Variants in PIPOX observed in about 807,000 individuals in gnomAD.
PIPOX encodes peroxisomal sarcosine oxidase.
PIPOX carries 45 observed loss-of-function variants against 47.9 expected under a neutral mutation model. That is an observed-to-expected ratio of 0.94 (90% CI 0.74 to 1.20). The LOEUF (loss-of-function observed/expected upper bound fraction) is 1.20. Ranked by LOEUF, PIPOX falls within the 50% of genes most tolerant of loss-of-function variation. PIPOX has a pLI of 0.00. For synonymous variants in PIPOX, 165 were observed against 191.3 expected, an observed-to-expected ratio of 0.86 and a Z score of 1.13; for missense variants, 458 against 498.4, an observed-to-expected ratio of 0.92 and a Z score of 0.77.
At chr17:29,048,702 C>A (rs1054417269) in intron 2 of PIPOX, among the ~76,000 whole-genome samples, 1 of 152,238 alleles carries the variant, frequency 6.6e-6, no homozygotes, top group Non-Finnish European at 1.5e-5. Flanking sequence ...AACCTGGTGG[C>A]CCCCTCTGCA....
At position 29,056,239 on chromosome 17, in the gene PIPOX, A is replaced by G. The variant is rs2065827709; in HGVS notation, c.1107A>G (p.Thr369=). ...KILYELSMKL[T]PSYDLAPFRI... is the part of the protein sequence containing the mutation. ...TGTATGAATTAAGCATGAAATTAACACCATCTTATGACTTGGCACCTTTTC... is the reference window on the plus strand; with the variant it reads ...TGTATGAATTAAGCATGAAATTAACGCCATCTTATGACTTGGCACCTTTTC... The change falls in exon 8 of 8, where the codon ACA becomes ACG. Residue 369 remains threonine, a synonymous_variant. Transcript: ENST00000323372. 6.2e-7 allele frequency: 1 copy of G among 1,614,014 alleles called. No homozygotes were observed. Among genetic ancestry groups the G allele is most frequent in the African/African-American group, 1.3e-5 (1 of 74,904 alleles).
chr17:29,049,857 C>T (rs1292729169), intron 2 of PIPOX, among the ~76,000 whole-genome samples: 1 of 152,146 alleles, frequency 6.6e-6, no homozygotes, highest in Admixed American at 6.5e-5. Context: ...GGAAAATTTC[C>T]CACTGTTATA....
chr17:29,056,434 C>G lies in PIPOX; in HGVS notation c.*129C>G, dbSNP rs1025581117. 1.9e-5 allele frequency: 20 copies of G among 1,042,540 alleles called. No individual in the cohort carries two copies. The highest frequency in any genetic ancestry group is 2.7e-5 in the Non-Finnish European group (19 of 716,534). 64.6% of individuals were successfully genotyped at this position (1,042,540 alleles called of 1,614,324 possible). A position where few individuals can be genotyped will look rare whatever the true frequency, so the allele number is the denominator to read the frequency against. On this transcript the variant is annotated 3_prime_UTR_variant, in exon 8 of 8. Coordinates refer to ENST00000323372, the MANE Select transcript of PIPOX (RefSeq NM_016518.3). Reference sequence around the variant, plus strand: ...GCCTCGCCTGAATCCCCCATAAACACCAGATGATTGAGTCTACCTTCTTTC... The same window carrying G: ...GCCTCGCCTGAATCCCCCATAAACAGCAGATGATTGAGTCTACCTTCTTTC...
chr17:29,050,478 G>C (rs1287876526), intron 2 of PIPOX, among the ~76,000 whole-genome samples: 1 of 151,634 alleles, frequency 6.6e-6, no homozygotes, highest in Non-Finnish European at 1.5e-5. Flanking sequence ...AGGATCGCTT[G>C]AGGCCGGGAG....
In PIPOX at chr17:29,056,607, T is replaced by A. The variant is rs2152699119; in HGVS notation, c.*302T>A. 2.2e-6 allele frequency: 1 copy of A among 449,012 alleles called. No individual in the cohort carries two copies. Among genetic ancestry groups the A allele is most frequent in the East Asian group, 4.1e-5 (1 of 24,458 alleles). 27.8% of individuals were successfully genotyped at this position (449,012 alleles called of 1,614,324 possible). ...GATCAGATATTCTACAATCACAGAG[T>A]AGCAAGGACGTTTGAGATGGGTATA... On this transcript the variant is annotated 3_prime_UTR_variant, in exon 8 of 8. Transcript: ENST00000323372.
intron 7 of PIPOX, 72 bp downstream of exon 7, chr17:29,055,960 C>T: frequency 1.4e-6 from 2 of 1,432,330 alleles, no homozygotes; most frequent in Admixed American, 3.3e-5. Context: ...ATGGTATTTT[C>T]CACACTCTTA....
At position 29,056,743 on chromosome 17, in the gene PIPOX, G is replaced by A. The variant is rs188869116; in HGVS notation, c.*438G>A. ...TCACACCTGTAATCTCGGCACTTTG[G>A]GGGGCTGAGACAGGCGGATCACCTG... On this transcript the variant is annotated 3_prime_UTR_variant, in exon 8 of 8. Coordinates refer to ENST00000323372, the MANE Select transcript of PIPOX (RefSeq NM_016518.3). 7.3e-5 allele frequency: 12 copies of A among 165,070 alleles called. No individual in the cohort carries two copies. In the East Asian group the frequency reaches 1.6e-3, roughly 22 times the overall value. 10.2% of individuals were successfully genotyped at this position (165,070 alleles called of 1,614,324 possible). A position where few individuals can be genotyped will look rare whatever the true frequency, so the allele number is the denominator to read the frequency against.
At chr17:29,046,549 C>A (rs1275677182) in intron 2 of PIPOX, 4 of 977,752 alleles carry the variant, frequency 4.1e-6, no homozygotes, top group East Asian at 1.1e-4. Flanking sequence ...TGTCTAGCAC[C>A]TTTCAATAAG....
chr17:29,051,182 T>C (rs890487612), intron 2 of PIPOX, among the ~76,000 whole-genome samples: 2 of 152,338 alleles, frequency 1.3e-5, no homozygotes, highest in Admixed American at 6.5e-5. Flanking sequence ...TGAAGTCCTT[T>C]TGGGGGCCAC....
chr17:29,048,281 C>T lies in PIPOX; in HGVS notation c.263+3274C>T, dbSNP rs2065792836. Among the ~76,000 whole-genome samples, 4 of 152,142 alleles carry T rather than the reference C, an allele frequency of 2.6e-5. No homozygotes were observed. In the South Asian group the frequency reaches 8.3e-4, roughly 31 times the overall value. On this transcript the variant is annotated intron_variant, in intron 2 of 7. Transcript: ENST00000323372. ...TTTTCCCCAGGTTTTTCTAGAAGAACCAGCACAATACCATAATACTACTGA... is the reference window on the plus strand; with the variant it reads ...TTTTCCCCAGGTTTTTCTAGAAGAATCAGCACAATACCATAATACTACTGA...
intron 1 of PIPOX, 104 bp from the exon 2 acceptor site, chr17:29,044,755 G>A: frequency 8.4e-7 from 1 of 1,193,532 alleles, no homozygotes; most frequent in Non-Finnish European, 1.2e-6. Context: ...ATATTTGAAG[G>A]ATAAATGGCT....
intron 2 of PIPOX, among the ~76,000 whole-genome samples, chr17:29,047,055 G>A (rs1392702004): frequency 2.0e-5 from 3 of 152,204 alleles, no homozygotes; most frequent in Non-Finnish European, 4.4e-5. Flanking sequence ...GGGAGGCTGA[G>A]GCAGGTGGAT....
At chr17:29,045,710 A>G (rs749529959) in intron 2 of PIPOX, among the ~76,000 whole-genome samples, 28 of 152,014 alleles carry the variant, frequency 1.8e-4, no homozygotes, top group Non-Finnish European at 3.8e-4. Context: ...TGCCTGGCCC[A>G]GGATTCTTTA....
At position 29,046,832 on chromosome 17, in the gene PIPOX, A is replaced by G. The variant is rs1340557622; in HGVS notation, c.263+1825A>G. On this transcript the variant is annotated intron_variant, in intron 2 of 7. Coordinates refer to ENST00000323372, the MANE Select transcript of PIPOX (RefSeq NM_016518.3). Reference sequence around the variant, plus strand: ...ACGCTCAGCTGTGTGGTTTGGAACGAGCTGTTGAACCTCTGGTGAGACTCA... The same window carrying G: ...ACGCTCAGCTGTGTGGTTTGGAACGGGCTGTTGAACCTCTGGTGAGACTCA... 4 of 882,514 alleles carry G rather than the reference A, an allele frequency of 4.5e-6. No individual in the cohort carries two copies. In the East Asian group the frequency reaches 4.8e-4, roughly 106 times the overall value. The allele number at this position is 882,514 out of a possible 1,614,324, so 54.7% of individuals were successfully genotyped here. A position where few individuals can be genotyped will look rare whatever the true frequency, so the allele number is the denominator to read the frequency against.
intron 2 of PIPOX, among the ~76,000 whole-genome samples, chr17:29,047,891 T>C (rs550249862): frequency 1.4e-4 from 21 of 152,328 alleles, no homozygotes; most frequent in Non-Finnish European, 2.9e-4. Context: ...ACTGCTACTA[T>C]GCATTTAAAG....
In PIPOX at chr17:29,056,244, C is replaced by T. The variant is rs556484181; in HGVS notation, c.1112C>T (p.Ser371Phe). 1 of 1,614,208 alleles carries T rather than the reference C, an allele frequency of 6.2e-7. No homozygotes were observed. Among genetic ancestry groups the T allele is most frequent in the South Asian group, 1.1e-5 (1 of 91,086 alleles). Reference sequence around the variant, plus strand: ...GAATTAAGCATGAAATTAACACCATCTTATGACTTGGCACCTTTTCGAATC... The same window carrying T: ...GAATTAAGCATGAAATTAACACCATTTTATGACTTGGCACCTTTTCGAATC... ...LYELSMKLTP[S>F]YDLAPFRISR... The change falls in exon 8 of 8, where the codon TCT becomes TTT. Residue 371 changes from serine to phenylalanine, a missense_variant. Coordinates refer to ENST00000323372, the MANE Select transcript of PIPOX (RefSeq NM_016518.3).
intron 2 of PIPOX, among the ~76,000 whole-genome samples, chr17:29,047,260 A>T (rs1046610619): frequency 2.0e-5 from 3 of 152,138 alleles, no homozygotes; most frequent in Non-Finnish European, 4.4e-5. Flanking sequence ...ACTGCACTGC[A>T]CTCCAGCCTG....
At chr17:29,044,745 A>G (rs2065778378) in intron 1 of PIPOX, 114 bp from the exon 2 acceptor site, 1 of 1,108,634 alleles carries the variant, frequency 9.0e-7, no homozygotes, top group Non-Finnish European at 1.3e-6. Flanking sequence ...TTGTGTGGAA[A>G]TATTTGAAGG....
At chr17:29,055,042 G>A in intron 5 of PIPOX, 21 bp from the exon 6 acceptor site, 1 of 1,613,958 alleles carries the variant, frequency 6.2e-7, no homozygotes, top group Non-Finnish European at 8.5e-7. Context: ...CACCACTCAT[G>A]CCACTCTGAT....
Sources: allele counts gnomAD v4.1 joint callset (sites outside exome capture counted in the v4.1 genomes callset), GRCh38; gene constraint gnomAD v4.1.1; transcripts MANE v1.5; gene names NCBI Gene and HGNC (gene_info 2026-07-23, HGNC 2026-07-21).